TSHZ3: variants seen among roughly 807,000 people sequenced by gnomAD.
TSHZ3 encodes the protein teashirt zinc finger homeobox 3.
TSHZ3 carries 10 observed loss-of-function variants against 64.5 expected under a neutral mutation model. The ratio of observed to expected loss-of-function variants is 0.16; its 90% CI spans 0.10 to 0.26. The LOEUF is 0.26. Ranked by LOEUF, TSHZ3 falls within the 10% of genes least tolerant of loss-of-function variation. The pLI, the probability that TSHZ3 is intolerant of heterozygous loss-of-function variation, is 1.00. For missense variants in TSHZ3, 1,242 were observed against 1,421.7 expected, an observed-to-expected ratio of 0.87 and a Z score of 2.03; for synonymous variants, 608 against 593.1, an observed-to-expected ratio of 1.03 and a Z score of -0.36.
chr19:31,179,624 G>T (rs764548641), intron 5 of TSHZ3, among the ~76,000 whole-genome samples: 4 of 152,144 alleles, frequency 2.6e-5, no homozygotes, highest in Admixed American at 2.0e-4. Flanking sequence ...GAATGATGAT[G>T]GTGGTAGTGG....
In TSHZ3 at chr19:31,203,267, G is replaced by T. The variant is rs527450293; in HGVS notation, n.809+1689C>A. Among the ~76,000 whole-genome samples, 46 of 152,256 alleles carry T rather than the reference G, an allele frequency of 3.0e-4. No homozygotes were observed. The South Asian group carries it at 8.3e-3, about 27-fold the overall frequency. ...AGGAGGCACAATTGGCATGCTGAAG[G>T]AACAACAAGGAGGTCGGTGTGTCCA... On this transcript the variant is annotated intron_variant and non_coding_transcript_variant, in intron 5 of 6. Transcript: ENST00000651361.
In TSHZ3 at chr19:31,277,893, TCCCATC is replaced by T; in HGVS notation, c.1894_1899del (p.Asp632_Gly633del). 1.2e-6 allele frequency: 2 copies of T among 1,612,992 alleles called. No individual in the cohort carries two copies. Among genetic ancestry groups the T allele is most frequent in the South Asian group, 2.2e-5 (2 of 90,812 alleles). On this transcript the variant is annotated inframe_deletion, in exon 2 of 2. Coordinates refer to ENST00000240587, the MANE Select transcript of TSHZ3 (RefSeq NM_020856.4). The surrounding 1 kb of genome is among the most constrained non-coding windows in gnomAD (Gnocchi z 4.5). ...GTGGCCCGCTTGGGCGGGGAAAGCT[TCCCATC>T]CGGCTCCTTCATCTTCTCCTCCACT...
At chr19:31,348,750 C>G (rs1452696648) in intron 1 of TSHZ3, 1 of 184,068 alleles carries the variant, frequency 5.4e-6, no homozygotes, top group African/African-American at 2.4e-5. Context: ...GGCTCGCTCA[C>G]TCGTTCGCGC....
chr19:31,292,729 CCCATCCATCCAT>C lies in TSHZ3; in HGVS notation c.41-12989_41-12978del, dbSNP rs71173957. Among the ~76,000 whole-genome samples, 728 of 148,046 alleles carry C rather than the reference CCCATCCATCCAT, an allele frequency of 4.9e-3. 6 individuals carry two copies. The highest frequency in any genetic ancestry group is 0.017 in the African/African-American group (675 of 39,750). The stretch of plus-strand genomic sequence containing the variant: ...AACCTATCCATCCAAAACCCATCCA[CCCATCCATCCAT>C]CCATCCATCCATCCATCCATCCATC... On this transcript the variant is annotated intron_variant, in intron 1 of 1. Transcript: ENST00000240587.
chr19:31,202,942 C>T (rs756711487), intron 5 of TSHZ3, among the ~76,000 whole-genome samples: 13 of 151,890 alleles, frequency 8.6e-5, no homozygotes, highest in African/African-American at 1.9e-4. Context: ...GGACAGACAC[C>T]GAACTAGACC....
chr19:31,295,047 CTA>C (rs1479469401), intron 1 of TSHZ3, among the ~76,000 whole-genome samples: 1 of 152,190 alleles, frequency 6.6e-6, no homozygotes, highest in Non-Finnish European at 1.5e-5. Context: ...AAAAACCCCT[CTA>C]TGATTAAGGG....
In TSHZ3 at chr19:31,259,375, C is replaced by T. The variant is rs557407110; in HGVS notation, n.64-16500G>A. ...CTCTTTTTCAATCCCTTTATTTTAACTCAAACTGTTCTGCTGAAAGGTTAC... is the reference window on the plus strand; with the variant it reads ...CTCTTTTTCAATCCCTTTATTTTAATTCAAACTGTTCTGCTGAAAGGTTAC... On this transcript the variant is annotated intron_variant and non_coding_transcript_variant, in intron 1 of 6. Coordinates refer to the TSHZ3 transcript ENST00000651361. 4.6e-5 allele frequency among the ~76,000 whole-genome samples: 7 copies of T among 152,218 alleles called. No individual in the cohort carries two copies. The South Asian group carries it at 1.5e-3, about 32-fold the overall frequency.
At chr19:31,221,439 C>T (rs1975393766) in intron 4 of TSHZ3, among the ~76,000 whole-genome samples, 1 of 152,186 alleles carries the variant, frequency 6.6e-6, no homozygotes. Context: ...ATGTGCAGTT[C>T]TCCTTATGTC....
intron 3 of TSHZ3, among the ~76,000 whole-genome samples, chr19:31,233,590 A>T (rs1975568226): frequency 6.6e-6 from 1 of 152,094 alleles, no homozygotes; most frequent in African/African-American, 2.4e-5. Flanking sequence ...TTTTAATTTG[A>T]TGATGTACAA....
downstream of TSHZ3, among the ~76,000 whole-genome samples, chr19:31,272,156 C>T (rs1299328470): frequency 6.6e-6 from 1 of 152,124 alleles, no homozygotes; most frequent in South Asian, 2.1e-4. Context: ...CCTGGCTTCC[C>T]GTCAGCTCCT....
chr19:31,290,605 C>A (rs1976547029), intron 1 of TSHZ3, among the ~76,000 whole-genome samples: 1 of 152,134 alleles, frequency 6.6e-6, no homozygotes, highest in South Asian at 2.1e-4. Flanking sequence ...CACCTGGGCA[C>A]CCGGAGTCAC....
chr19:31,274,137 T>G (rs1420480641), downstream of TSHZ3, among the ~76,000 whole-genome samples: 1 of 148,660 alleles, frequency 6.7e-6, no homozygotes, highest in African/African-American at 2.5e-5. Flanking sequence ...AAATATGTGT[T>G]TTTTTTTTTA....
chr19:31,299,006 C>T (rs531085548), intron 1 of TSHZ3, among the ~76,000 whole-genome samples: 2 of 152,220 alleles, frequency 1.3e-5, no homozygotes, highest in Middle Eastern at 3.4e-3. Flanking sequence ...TCCAGCCTGG[C>T]CAACATGGAG....
At chr19:31,261,917 CCCCT>C (rs944008988) in intron 1 of TSHZ3, among the ~76,000 whole-genome samples, 4 of 152,150 alleles carry the variant, frequency 2.6e-5, no homozygotes, top group African/African-American at 9.7e-5. Flanking sequence ...CGAGCCCAGC[CCCCT>C]CCACCCCAAT....
intron 1 of TSHZ3, among the ~76,000 whole-genome samples, chr19:31,338,997 A>C (rs924150): frequency 0.31 from 47,181 of 151,808 alleles, 8,907 homozygotes; most frequent in East Asian, 0.47. Flanking sequence ...ACAGGTTTAC[A>C]CGGCAAGTCT....
At position 31,254,465 on chromosome 19, in the gene TSHZ3, C is replaced by T. The variant is rs187945849; in HGVS notation, n.64-11590G>A. ...CTGGAGGAAAGGGGGCCGGTCAGCA[C>T]CAATCCCCGGGGCTGAAATATAAAA... On this transcript the variant is annotated intron_variant and non_coding_transcript_variant, in intron 1 of 6. Coordinates refer to the TSHZ3 transcript ENST00000651361. Among the ~76,000 whole-genome samples the T allele has an allele frequency of 9.2e-5, 14 of 152,336 alleles. No individual in the cohort carries two copies. In the East Asian group the frequency reaches 2.7e-3, roughly 29 times the overall value.
chr19:31,256,078 C>T (rs958783765), intron 1 of TSHZ3, among the ~76,000 whole-genome samples: 1 of 152,162 alleles, frequency 6.6e-6, no homozygotes, highest in African/African-American at 2.4e-5. Flanking sequence ...CACAAGCATG[C>T]AGCCTTGGTC....
chr19:31,191,191 C>T (rs1320906432), intron 5 of TSHZ3, among the ~76,000 whole-genome samples: 5 of 151,974 alleles, frequency 3.3e-5, no homozygotes, highest in Non-Finnish European at 7.4e-5. Context: ...GACACTGAAA[C>T]TCAACAAATC....
chr19:31,233,256 ATTTTAGTC>A (rs996814508), intron 3 of TSHZ3, among the ~76,000 whole-genome samples: 4 of 152,136 alleles, frequency 2.6e-5, no homozygotes, highest in African/African-American at 4.8e-5. Context: ...AGTCTGTTTA[ATTTTAGTC>A]TTTTAGTCAG....
Sources: allele counts gnomAD v4.1 joint callset (sites outside exome capture counted in the v4.1 genomes callset), GRCh38; gene constraint gnomAD v4.1.1; non-coding constraint Gnocchi (gnomAD v3.1); transcripts MANE v1.5; gene names NCBI Gene and HGNC (gene_info 2026-07-23, HGNC 2026-07-21).